Variants in RIPOR2 observed in about 807,000 individuals in gnomAD.
The protein encoded by RIPOR2 is rho family-interacting cell polarization regulator 2.
RIPOR2 carries 39 observed loss-of-function variants against 114.5 expected under a neutral mutation model. The ratio of observed to expected loss-of-function variants is 0.34; its 90% CI spans 0.26 to 0.44. The LOEUF is 0.44. RIPOR2 is among the 20% of genes least tolerant of loss of function. The pLI is 1.00. For missense variants in RIPOR2, 1,007 were observed against 1,255.1 expected, an observed-to-expected ratio of 0.80 and a Z score of 2.99; for synonymous variants, 445 against 484.4, an observed-to-expected ratio of 0.92 and a Z score of 1.07.
chr6:24,998,255 T>C (rs1263852760), intron 1 of RIPOR2, among the ~76,000 whole-genome samples: 1 of 152,204 alleles, frequency 6.6e-6, no homozygotes, highest in Non-Finnish European at 1.5e-5. Context: ...CTTGCTCAAG[T>C]AATTCTTTGA....
chr6:24,809,675 C>G, intron 21 of RIPOR2, 42 bp downstream of exon 21: 1 of 1,308,412 alleles, frequency 7.6e-7, no homozygotes, highest in East Asian at 2.5e-5. Flanking sequence ...TTAGAGAGTG[C>G]CAGAAGCAAA....
chr6:24,917,999 A>G (rs1348317722), intron 1 of RIPOR2, among the ~76,000 whole-genome samples: 2 of 152,152 alleles, frequency 1.3e-5, no homozygotes, highest in African/African-American at 2.4e-5. Flanking sequence ...TTTGCAGGTT[A>G]TCCCATGTTG....
intron 1 of RIPOR2, among the ~76,000 whole-genome samples, chr6:24,978,135 T>A (rs568057485): frequency 1.0e-3 from 153 of 152,326 alleles, no homozygotes; most frequent in African/African-American, 3.5e-3. Flanking sequence ...ACTACTGTAT[T>A]GCTCAAATAT....
At chr6:24,989,728 G>A (rs1167155393) in intron 1 of RIPOR2, among the ~76,000 whole-genome samples, 1 of 152,036 alleles carries the variant, frequency 6.6e-6, no homozygotes, top group Non-Finnish European at 1.5e-5. Context: ...TTGTGTGGGT[G>A]TAGTTATTTG....
chr6:24,873,544 C>T (rs1765416529), intron 3 of RIPOR2, 100 bp downstream of exon 3: 16 of 1,072,218 alleles, frequency 1.5e-5, no homozygotes, highest in Non-Finnish European at 2.1e-5. Context: ...TAAAATACCT[C>T]CTACAGAAAT....
intron 17 of RIPOR2, among the ~76,000 whole-genome samples, chr6:24,829,760 A>C (rs1264325816): frequency 6.6e-6 from 1 of 152,154 alleles, no homozygotes; most frequent in Non-Finnish European, 1.5e-5. Flanking sequence ...CCTTCATATA[A>C]ATGTCCTTTC....
At chr6:25,003,087 C>T (rs1775389595) in intron 1 of RIPOR2, among the ~76,000 whole-genome samples, 1 of 152,046 alleles carries the variant, frequency 6.6e-6, no homozygotes, top group Non-Finnish European at 1.5e-5. Flanking sequence ...AACATGTTTA[C>T]GATTCACTTT....
intron 14 of RIPOR2, chr6:24,836,100 C>T: frequency 1.9e-6 from 1 of 526,578 alleles, no homozygotes; most frequent in East Asian, 3.2e-5. Flanking sequence ...TCTTTCTCTA[C>T]TTTTTAAGCC....
chr6:24,946,235 C>T (rs567928189), intron 1 of RIPOR2, among the ~76,000 whole-genome samples: 95 of 152,014 alleles, frequency 6.2e-4, no homozygotes, highest in African/African-American at 2.2e-3. Context: ...CCACCATGCC[C>T]AGCTAATTTT....
intron 1 of RIPOR2, among the ~76,000 whole-genome samples, chr6:24,895,739 C>T (rs1767800368): frequency 6.6e-6 from 1 of 152,136 alleles, no homozygotes. Context: ...GCTTGTAATC[C>T]CAGCACTTTG....
intron 1 of RIPOR2, among the ~76,000 whole-genome samples, chr6:25,008,328 T>A (rs1382782982): frequency 6.6e-6 from 1 of 152,172 alleles, no homozygotes; most frequent in Admixed American, 6.5e-5. Flanking sequence ...GTTAAGGGTC[T>A]TGAGATGGGG....
upstream of RIPOR2, among the ~76,000 whole-genome samples, chr6:24,939,483 AC>A (rs1771998732): frequency 6.6e-6 from 1 of 152,202 alleles, no homozygotes; most frequent in Non-Finnish European, 1.5e-5. Flanking sequence ...AAACACCTTT[AC>A]AAGTGGAAAT....
At position 24,869,242 on chromosome 6, in the gene RIPOR2, T is replaced by A. The variant is rs1282712276; in HGVS notation, c.448-95A>T. 9.8e-6 allele frequency: 6 copies of A among 611,626 alleles called. No homozygotes were observed. The Admixed American group carries it at 1.8e-4, about 19-fold the overall frequency. The allele number at this position is 611,626 out of a possible 1,614,324, so 37.9% of individuals were successfully genotyped here. A position where few individuals can be genotyped will look rare whatever the true frequency, so the allele number is the denominator to read the frequency against. ...CTTGATTATATCATACTCAAAAGTA[T>A]TAGAAAATCCAATATATTTCCCCTT... On this transcript the variant is annotated intron_variant, in intron 5 of 21. Coordinates refer to ENST00000643898, the MANE Select transcript of RIPOR2 (RefSeq NM_001286445.3).
chr6:24,969,067 A>C (rs1405948951), intron 1 of RIPOR2, among the ~76,000 whole-genome samples: 1 of 152,162 alleles, frequency 6.6e-6, no homozygotes, highest in African/African-American at 2.4e-5. Context: ...AAAAGCCCTT[A>C]GGTATTCTAG....
chr6:24,827,993 CA>C, intron 18 of RIPOR2, 143 bp downstream of exon 18: 1 of 615,064 alleles, frequency 1.6e-6, no homozygotes, highest in Non-Finnish European at 2.5e-6. Flanking sequence ...GTTAAAAGTC[CA>C]AAAGTCACTT....
chr6:24,835,642 G>A (rs1382236301), intron 15 of RIPOR2, 61 bp downstream of exon 15: 3 of 1,472,798 alleles, frequency 2.0e-6, no homozygotes, highest in South Asian at 2.4e-5. Context: ...AAAAATGAAA[G>A]CACACTTCCT....
intron 1 of RIPOR2, among the ~76,000 whole-genome samples, chr6:24,975,848 A>C (rs943817035): frequency 6.6e-6 from 1 of 152,088 alleles, no homozygotes; most frequent in Non-Finnish European, 1.5e-5. Flanking sequence ...AATATATATA[A>C]TTTTTATTTA....
chr6:25,023,453 C>T, intron 1 of RIPOR2: 1 of 766,920 alleles, frequency 1.3e-6, no homozygotes, highest in Non-Finnish European at 2.4e-6. Flanking sequence ...CTGCGCTTTC[C>T]CTCCCACTTG....
chr6:24,872,107 T>C (rs1395937712), intron 4 of RIPOR2, among the ~76,000 whole-genome samples: 1 of 152,240 alleles, frequency 6.6e-6, no homozygotes, highest in African/African-American at 2.4e-5. Flanking sequence ...TGGGCTGATT[T>C]CTTGAAACAG....
Sources: allele counts gnomAD v4.1 joint callset (sites outside exome capture counted in the v4.1 genomes callset), GRCh38; gene constraint gnomAD v4.1.1; transcripts MANE v1.5; gene names NCBI Gene and HGNC (gene_info 2026-07-23, HGNC 2026-07-21).